The following HSD17B12 variants were observed in gnomAD, a reference collection of about 807,000 sequenced individuals.
HSD17B12 encodes hydroxysteroid 17-beta dehydrogenase 12, also known as very-long-chain 3-oxoacyl-CoA reductase.
In HSD17B12, 32 loss-of-function variants were observed where a neutral mutation model predicts 39.3. That is an observed-to-expected ratio of 0.81 (90% CI 0.61 to 1.09). The LOEUF (loss-of-function observed/expected upper bound fraction) is 1.09. Among genes scored for constraint, HSD17B12 ranks in the 50% least tolerant of loss-of-function variants. The pLI, the probability that HSD17B12 is intolerant of heterozygous loss-of-function variation, is 0.00. For synonymous variants in HSD17B12, 150 were observed against 146.7 expected, an observed-to-expected ratio of 1.02 and a Z score of -0.16; for missense variants, 342 against 382.9, an observed-to-expected ratio of 0.89 and a Z score of 0.89.
the HSD17B12 span, among the ~76,000 whole-genome samples, chr11:43,576,197 G>C: frequency 2.2e-4 from 34 of 152,326 alleles, no homozygotes; most frequent in Middle Eastern, 3.4e-3. Flanking sequence ...GTTAACGGGA[G>C]GGAGGGAGAA....
At chr11:43,579,894 C>A in the HSD17B12 span, among the ~76,000 whole-genome samples, 6 of 152,050 alleles carry the variant, frequency 3.9e-5, no homozygotes, top group Admixed American at 3.9e-4. Flanking sequence ...CGCGCGCCCG[C>A]CCGCACGTCG....
intron 3 of HSD17B12, among the ~76,000 whole-genome samples, chr11:43,791,711 T>C (rs781716330): frequency 1.3e-5 from 2 of 152,198 alleles, no homozygotes; most frequent in Non-Finnish European, 2.9e-5. Context: ...GGACCAACTG[T>C]AGAACCCAGA....
At chr11:43,690,380 ATATATATATATATATATATATATATT>A (rs1235759790) in intron 1 of HSD17B12, among the ~76,000 whole-genome samples, 5 of 8,414 alleles carry the variant, frequency 5.9e-4, no homozygotes, top group Admixed American at 2.9e-3. Context: ...ATATATATAT[ATATATATATATATATATATATATATT>A]TTTTTTTTTT....
chr11:43,580,295 C>G, the HSD17B12 span, among the ~76,000 whole-genome samples: 1 of 145,002 alleles, frequency 6.9e-6, no homozygotes, highest in Non-Finnish European at 1.5e-5. Context: ...TGGAATCTCC[C>G]GTCGTTGTGG....
chr11:43,724,692 C>T (rs1224193080), intron 1 of HSD17B12, among the ~76,000 whole-genome samples: 1 of 152,128 alleles, frequency 6.6e-6, no homozygotes. Context: ...GGGCTCTGTC[C>T]TCGTGATCCA....
At chr11:43,594,977 C>T in the HSD17B12 span, among the ~76,000 whole-genome samples, 3 of 152,096 alleles carry the variant, frequency 2.0e-5, no homozygotes, top group Non-Finnish European at 4.4e-5. Context: ...GGTATTTCTA[C>T]ATTTGAGGCC....
At chr11:43,662,234 T>C in the HSD17B12 span, among the ~76,000 whole-genome samples, 1 of 149,484 alleles carries the variant, frequency 6.7e-6, no homozygotes, top group South Asian at 2.1e-4. Context: ...AGTTTCAATC[T>C]GTCACCTAGG....
chr11:43,757,966 G>A (rs2134959182), intron 3 of HSD17B12, among the ~76,000 whole-genome samples: 1 of 152,222 alleles, frequency 6.6e-6, no homozygotes, highest in South Asian at 2.1e-4. Flanking sequence ...GAGGGATTGT[G>A]TGTGTGCAAG....
chr11:43,745,916 A>T (rs1950408200), intron 1 of HSD17B12, among the ~76,000 whole-genome samples: 1 of 152,164 alleles, frequency 6.6e-6, no homozygotes, highest in Non-Finnish European at 1.5e-5. Flanking sequence ...GGGCTAAGAC[A>T]AGAGGATCAC....
At chr11:43,590,301 A>G in the HSD17B12 span, among the ~76,000 whole-genome samples, 1 of 151,810 alleles carries the variant, frequency 6.6e-6, no homozygotes, top group Non-Finnish European at 1.5e-5. Context: ...CCTGGCTTCT[A>G]AGTAGTAGAC....
At chr11:43,611,388 C>CAT in the HSD17B12 span, among the ~76,000 whole-genome samples, 1 of 152,170 alleles carries the variant, frequency 6.6e-6, no homozygotes, top group African/African-American at 2.4e-5. Flanking sequence ...GTGCAAATGA[C>CAT]ATTTCTTTTA....
At chr11:43,720,617 C>T (rs539262688) in intron 1 of HSD17B12, among the ~76,000 whole-genome samples, 5 of 152,138 alleles carry the variant, frequency 3.3e-5, no homozygotes, top group Non-Finnish European at 5.9e-5. Flanking sequence ...AAGCAAGTCG[C>T]ATATCCAAGG....
At chr11:43,742,328 ATTGGGGTC>A (rs1950375525) in intron 1 of HSD17B12, among the ~76,000 whole-genome samples, 1 of 149,714 alleles carries the variant, frequency 6.7e-6, no homozygotes, top group Non-Finnish European at 1.5e-5. Flanking sequence ...TTTTTGTAGG[ATTGGGGTC>A]TCGCTATGTT....
At chr11:43,624,310 T>C in the HSD17B12 span, among the ~76,000 whole-genome samples, 2 of 151,976 alleles carry the variant, frequency 1.3e-5, no homozygotes, top group Admixed American at 6.6e-5. Context: ...GTTATTCTTA[T>C]AAGATATGCA....
chr11:43,811,200 A>G (rs1590320048), intron 4 of HSD17B12, among the ~76,000 whole-genome samples: 6 of 152,320 alleles, frequency 3.9e-5, no homozygotes, highest in African/African-American at 9.6e-5. Flanking sequence ...TTGCTTTTCC[A>G]AAAGATTCGC....
chr11:43,753,523 G>C lies in HSD17B12; in HGVS notation c.208-523G>C, dbSNP rs201358202. Among the ~76,000 whole-genome samples, 3 of 147,210 alleles carry C rather than the reference G, an allele frequency of 2.0e-5. No homozygotes were observed. In the East Asian group the frequency reaches 6.0e-4, roughly 29 times the overall value. ...CCCACCTCAGCCTCCTGAGTAGCTG[G>C]AACTACAGGCATGTGCCACCACACC... is the stretch of plus-strand genomic sequence containing the variant. On this transcript the variant is annotated intron_variant, in intron 2 of 10. Coordinates refer to ENST00000278353, the MANE Select transcript of HSD17B12 (RefSeq NM_016142.3).
chr11:43,581,556 C>T, the HSD17B12 span: 4 of 424,290 alleles, frequency 9.4e-6, no homozygotes, highest in African/African-American at 8.1e-5. The surrounding 1 kb of genome is among the most constrained non-coding windows in gnomAD (Gnocchi z 4.9). Context: ...TCCATCCGAG[C>T]CTTACCCGGC....
chr11:43,581,689 G>A, the HSD17B12 span, among the ~76,000 whole-genome samples: 1 of 152,004 alleles, frequency 6.6e-6, no homozygotes, highest in African/African-American at 2.4e-5. This position sits in a 1 kb window ranked among gnomAD's most constrained non-coding sequence, Gnocchi z 4.9. Context: ...AACAGACTTT[G>A]TATCACAGGG....
At chr11:43,606,723 T>C in the HSD17B12 span, among the ~76,000 whole-genome samples, 585 of 152,300 alleles carry the variant, frequency 3.8e-3, 5 homozygotes, top group African/African-American at 0.013. Flanking sequence ...CCCCATTGAT[T>C]CTTTAAGCAA....
Sources: gnomAD v4.1 joint callset for allele counts (sites outside exome capture counted in the v4.1 genomes callset) on GRCh38, gnomAD v4.1.1 for gene constraint, Gnocchi (gnomAD v3.1) non-coding constraint, MANE v1.5 for transcripts, NCBI Gene and HGNC (gene_info 2026-07-23, HGNC 2026-07-21) for gene names.